AIDA: variants seen among roughly 807,000 people sequenced by gnomAD.
The protein encoded by AIDA is axin interactor, dorsalization associated, also known as axin interactor, dorsalization-associated protein.
A neutral mutation model predicts 42.7 loss-of-function variants in AIDA; 18 were observed. That is an observed-to-expected ratio of 0.42 (90% CI 0.29 to 0.63). The LOEUF (loss-of-function observed/expected upper bound fraction) is 0.63, where lower values mean the gene tolerates loss of function less well. Among genes scored for constraint, AIDA ranks in the 20% least tolerant of loss-of-function variants. AIDA has a pLI of 0.19. For missense variants in AIDA, 250 were observed against 354.1 expected, an observed-to-expected ratio of 0.71 and a Z score of 2.36; for synonymous variants, 104 against 122.9, an observed-to-expected ratio of 0.85 and a Z score of 1.02.
chr1:222,675,248 T>C (rs1174988035), intron 7 of AIDA, among the ~76,000 whole-genome samples: 1 of 152,244 alleles, frequency 6.6e-6, no homozygotes, highest in Non-Finnish European at 1.5e-5. Flanking sequence ...ACCACTTGGA[T>C]TAGCTGTGCA....
intron 2 of AIDA, among the ~76,000 whole-genome samples, chr1:222,697,593 T>C (rs760677680): frequency 7.9e-5 from 12 of 151,978 alleles, no homozygotes; most frequent in Non-Finnish European, 1.0e-4. Context: ...AATGCTTTCA[T>C]TTTCAAAATA....
chr1:222,700,106 G>A (rs1177943930), intron 2 of AIDA, among the ~76,000 whole-genome samples: 1 of 152,186 alleles, frequency 6.6e-6, no homozygotes, highest in African/African-American at 2.4e-5. Flanking sequence ...TATTCACAAT[G>A]TAGTATACAG....
intron 7 of AIDA, among the ~76,000 whole-genome samples, chr1:222,675,301 C>T (rs1664524539): frequency 1.3e-5 from 2 of 152,174 alleles, no homozygotes; most frequent in South Asian, 2.1e-4. Context: ...TCTCAATCAC[C>T]CAATAATTAT....
At chr1:222,690,542 TC>T (rs1388436666) in intron 4 of AIDA, among the ~76,000 whole-genome samples, 2 of 152,106 alleles carry the variant, frequency 1.3e-5, no homozygotes, top group Non-Finnish European at 2.9e-5. Context: ...AATTTTGGAG[TC>T]CTGCAGTTTA....
Position 222,668,207 on chromosome 1 carries a change from C to T in AIDA, c.*1686G>A, listed in dbSNP as rs1664375281. 6.8e-6 allele frequency: 1 copy of T among 147,204 alleles called. No individual in the cohort carries two copies. The highest frequency in any genetic ancestry group is 2.5e-5 in the African/African-American group (1 of 39,706). 9.1% of individuals were successfully genotyped at this position (147,204 alleles called of 1,614,324 possible). On this transcript the variant is annotated 3_prime_UTR_variant, in exon 10 of 10. Transcript: ENST00000340020. ...GTTTTTTTTTTAAGGGATTTTTTTTCAGGTCTTGTCAGCAACATCAAACAA... is the reference window on the plus strand; with the variant it reads ...GTTTTTTTTTTAAGGGATTTTTTTTTAGGTCTTGTCAGCAACATCAAACAA...
At chr1:222,683,251 A>G (rs1177701572) in intron 6 of AIDA, among the ~76,000 whole-genome samples, 1 of 152,196 alleles carries the variant, frequency 6.6e-6, no homozygotes, top group African/African-American at 2.4e-5. Context: ...CTTGGCCCCT[A>G]AACATGTTCT....
intron 6 of AIDA, among the ~76,000 whole-genome samples, 178 bp from the exon 7 acceptor site, chr1:222,676,396 G>A (rs1178456494): frequency 1.3e-5 from 2 of 152,126 alleles, no homozygotes; most frequent in African/African-American, 4.8e-5. Flanking sequence ...TTATATGTAA[G>A]AGAAATCTGC....
At chr1:222,674,537 T>C (rs895491992) in intron 7 of AIDA, among the ~76,000 whole-genome samples, 4 of 152,196 alleles carry the variant, frequency 2.6e-5, no homozygotes, top group Non-Finnish European at 4.4e-5. Flanking sequence ...CCCTGCTGTA[T>C]TCAAGTCAAA....
At chr1:222,680,768 C>CT (rs572066795) in intron 6 of AIDA, among the ~76,000 whole-genome samples, 103 of 146,518 alleles carry the variant, frequency 7.0e-4, no homozygotes, top group South Asian at 4.3e-3. Flanking sequence ...TAGAGTAAAG[C>CT]TTTTTTTTTT....
chr1:222,673,901 TG>T (rs985889033), intron 7 of AIDA, among the ~76,000 whole-genome samples: 3 of 151,994 alleles, frequency 2.0e-5, no homozygotes, highest in African/African-American at 7.3e-5. Context: ...CTGACCAACA[TG>T]GGGAAACCCC....
intron 4 of AIDA, among the ~76,000 whole-genome samples, chr1:222,692,327 T>C (rs1281717149): frequency 2.6e-5 from 4 of 152,142 alleles, no homozygotes; most frequent in Non-Finnish European, 5.9e-5. Flanking sequence ...CGTGGGGATG[T>C]ACCCTACTAG....
intron 6 of AIDA, among the ~76,000 whole-genome samples, chr1:222,679,342 G>C (rs1664612514): frequency 6.6e-6 from 1 of 152,078 alleles, no homozygotes; most frequent in African/African-American, 2.4e-5. Context: ...TATAAAACTT[G>C]AAGACTGTAA....
chr1:222,707,788 C>G (rs963208523), intron 1 of AIDA, among the ~76,000 whole-genome samples: 3 of 152,214 alleles, frequency 2.0e-5, no homozygotes, highest in African/African-American at 7.2e-5. Flanking sequence ...GAAATTCGTG[C>G]TTCTCAAACC....
intron 6 of AIDA, among the ~76,000 whole-genome samples, chr1:222,679,497 T>A (rs967704710): frequency 1.3e-5 from 2 of 152,216 alleles, no homozygotes; most frequent in African/African-American, 2.4e-5. Context: ...AACAGCCAAC[T>A]TTTACAGAAC....
intron 1 of AIDA, among the ~76,000 whole-genome samples, chr1:222,705,184 C>A (rs934421971): frequency 1.3e-5 from 2 of 152,192 alleles, no homozygotes; most frequent in Non-Finnish European, 1.5e-5. Flanking sequence ...TCATTTATTT[C>A]TTTTCTCCCA....
chr1:222,671,860 C>T (rs1664455059), intron 8 of AIDA, among the ~76,000 whole-genome samples: 2 of 152,210 alleles, frequency 1.3e-5, no homozygotes, highest in South Asian at 2.1e-4. Flanking sequence ...CCCATCTCCT[C>T]CTCATGATCG....
At chr1:222,691,020 A>G (rs975556382) in intron 4 of AIDA, among the ~76,000 whole-genome samples, 1 of 152,248 alleles carries the variant, frequency 6.6e-6, no homozygotes, top group Non-Finnish European at 1.5e-5. Context: ...AACTGTGATT[A>G]GTGTTATAAA....
At position 222,670,262 on chromosome 1, in the gene AIDA, AAAC is replaced by A. The variant is rs1664422152; in HGVS notation, c.707-15_707-13del. The A allele has an allele frequency of 6.2e-7, 1 of 1,604,656 alleles. No homozygotes were observed. Among genetic ancestry groups the A allele is most frequent in the African/African-American group, 1.3e-5 (1 of 74,770 alleles). ...GAAGATAGCTGCACCTAAGGAATTA[AAAC>A]AAGCCACATAAACCACAGATAGCAC... On this transcript the variant is annotated splice_polypyrimidine_tract_variant and intron_variant, in intron 8 of 9. Transcript: ENST00000340020.
intron 1 of AIDA, among the ~76,000 whole-genome samples, chr1:222,707,426 T>G (rs1312293842): frequency 6.6e-6 from 1 of 152,162 alleles, no homozygotes; most frequent in East Asian, 1.9e-4. Context: ...CCCAAAGTGC[T>G]GGGATTACAG....
Sources: gnomAD v4.1 joint callset for allele counts (sites outside exome capture counted in the v4.1 genomes callset) on GRCh38, gnomAD v4.1.1 for gene constraint, MANE v1.5 for transcripts, NCBI Gene and HGNC (gene_info 2026-07-23, HGNC 2026-07-21) for gene names.